Variants in DCHS2 observed in about 807,000 individuals in gnomAD.
The protein encoded by DCHS2 is dachsous cadherin-related 2, also known as protocadherin-23.
A neutral mutation model predicts 182.4 loss-of-function variants in DCHS2; 142 were observed. The ratio of observed to expected loss-of-function variants is 0.78; its 90% confidence interval spans 0.68 to 0.89. The LOEUF is 0.89. DCHS2 is among the 40% of genes least tolerant of loss of function. The pLI is 0.00. For synonymous variants in DCHS2, 1,740 were observed against 1,663.3 expected (o/e 1.05, Z -1.12); for missense variants, 4,319 against 4,198.6 (o/e 1.03, Z -0.79).
At chr4:154,409,804 G>A (rs561488908) in intron 1 of DCHS2, among the ~76,000 whole-genome samples, 1 of 152,016 alleles carries the variant, frequency 6.6e-6, no homozygotes, top group African/African-American at 2.4e-5. Flanking sequence ...AGAAGAAAAG[G>A]TCCCAAAAGC....
chr4:154,460,219 G>A (rs73854783), intron 1 of DCHS2, among the ~76,000 whole-genome samples: 4,530 of 152,238 alleles, frequency 0.03, 155 homozygotes, highest in African/African-American at 0.081. Context: ...AAACACAAAT[G>A]TATACTGCTA....
intron 13 of DCHS2, among the ~76,000 whole-genome samples, chr4:154,287,751 G>A (rs1008190721): frequency 6.6e-6 from 1 of 151,930 alleles, no homozygotes; most frequent in East Asian, 1.9e-4. Context: ...TGACATCCTG[G>A]GATTATAGAT....
intron 3 of DCHS2, among the ~76,000 whole-genome samples, chr4:154,357,726 A>G (rs1057357464): frequency 6.6e-6 from 1 of 152,130 alleles, no homozygotes; most frequent in Admixed American, 6.6e-5. Context: ...CACTGGCCCC[A>G]GATGGTTGCT....
intron 1 of DCHS2, among the ~76,000 whole-genome samples, chr4:154,488,476 A>G (rs970131286): frequency 2.0e-5 from 3 of 152,212 alleles, no homozygotes; most frequent in Admixed American, 6.5e-5. Flanking sequence ...AGGTAGGAAA[A>G]CATGTAAGAA....
At chr4:154,373,861 C>T (rs1273145778) in intron 2 of DCHS2, 21 of 1,408,346 alleles carry the variant, frequency 1.5e-5, no homozygotes, top group Non-Finnish European at 2.1e-5. Flanking sequence ...GCTCTGACAA[C>T]CCATTTCCAG....
rs1191551555 is a variant in DCHS2 at position 154,236,957 on chromosome 4, T to G, written c.7695A>C (p.Gly2565=). ...NLSLSEDALV[G]STLVTFSNID... is the part of the protein sequence containing the mutation. ...TGTTTGAAAATGTAACAAGCGTGCT[T>G]CCAACCAGAGCATCCTCACTTAGGC... The change falls in exon 20 of 20, where the codon GGA becomes GGC. Residue 2565 remains glycine (G), a synonymous_variant. Coordinates refer to ENST00000357232, the MANE Select transcript of DCHS2 (RefSeq NM_001358235.2). The G allele has an allele frequency of 7.4e-6, 12 of 1,614,058 alleles. No homozygotes were observed. Among genetic ancestry groups the G allele is most frequent in the Admixed American group, 3.3e-5 (2 of 60,020 alleles).
chr4:154,417,712 A>G (rs1732933642), intron 1 of DCHS2, among the ~76,000 whole-genome samples: 1 of 152,340 alleles, frequency 6.6e-6, no homozygotes, highest in East Asian at 1.9e-4. Context: ...GGGGGAAAAA[A>G]GTGTCCTGGT....
rs190494282 is a variant in DCHS2 at position 154,365,885 on chromosome 4, T to G, written c.2476+325A>C. Among the ~76,000 whole-genome samples the G allele has an allele frequency of 3.3e-5, 5 of 151,864 alleles. No homozygotes were observed. The East Asian group carries it at 9.7e-4, about 29-fold the overall frequency. On this transcript the variant is annotated intron_variant, in intron 3 of 19. Coordinates refer to ENST00000357232, the MANE Select transcript of DCHS2 (RefSeq NM_001358235.2). ...GGCTAGTCTTGAACTCCTGACCTCTTGATCCACCCACCTCGGCCCCCCAAA... is the reference window on the plus strand; with the variant it reads ...GGCTAGTCTTGAACTCCTGACCTCTGGATCCACCCACCTCGGCCCCCCAAA...
Position 154,332,713 on chromosome 4 carries a change from G to A in DCHS2, c.3495C>T (p.Pro1165=), listed in dbSNP as rs776258034. 5.6e-6 allele frequency: 9 copies of A among 1,614,090 alleles called. No homozygotes were observed. Among genetic ancestry groups the A allele is most frequent in the Non-Finnish European group, 7.6e-6 (9 of 1,180,038 alleles). ...TYNFRVFAWI[P]EDGFLQNVST... Reference sequence around the variant, plus strand: ...TCACATTTTGCAAGAATCCGTCCTCGGGGATCCAAGCAAACACTCTAAAAT... The same window carrying A: ...TCACATTTTGCAAGAATCCGTCCTCAGGGATCCAAGCAAACACTCTAAAAT... Residue 1165 remains proline (P), a synonymous_variant, in exon 5 of 20, where the codon CCC becomes CCT. Coordinates refer to ENST00000357232, the MANE Select transcript of DCHS2 (RefSeq NM_001358235.2).
intron 1 of DCHS2, among the ~76,000 whole-genome samples, chr4:154,402,679 G>A (rs1184728655): frequency 6.6e-6 from 1 of 152,128 alleles, no homozygotes; most frequent in Non-Finnish European, 1.5e-5. Context: ...ATGAGGGTTT[G>A]GACTTGGACT....
intron 1 of DCHS2, among the ~76,000 whole-genome samples, chr4:154,388,717 A>T (rs555980677): frequency 1.3e-5 from 2 of 151,874 alleles, no homozygotes; most frequent in Admixed American, 6.6e-5. Context: ...GATGGTCTCG[A>T]TCTCCTGACC....
intron 1 of DCHS2, among the ~76,000 whole-genome samples, chr4:154,412,912 T>C (rs982837024): frequency 1.3e-5 from 2 of 152,184 alleles, no homozygotes; most frequent in African/African-American, 2.4e-5. Context: ...ACTATGCAAA[T>C]CATGGGCGCT....
chr4:154,353,100 A>G (rs1729695040), intron 3 of DCHS2, among the ~76,000 whole-genome samples: 1 of 152,244 alleles, frequency 6.6e-6, no homozygotes, highest in South Asian at 2.1e-4. Context: ...GATTCACACC[A>G]GTTTTTAGTC....
At chr4:154,297,555 A>G (rs1734981549) in intron 13 of DCHS2, among the ~76,000 whole-genome samples, 2 of 152,234 alleles carry the variant, frequency 1.3e-5, no homozygotes, top group Non-Finnish European at 2.9e-5. Context: ...AAAACACAGT[A>G]AGAATATCAG....
At chr4:154,342,959 A>G (rs1844674) in intron 3 of DCHS2, among the ~76,000 whole-genome samples, 149,306 of 152,332 alleles carry the variant, frequency 0.98, 73,239 homozygotes, top group East Asian at 1. Flanking sequence ...CTTGAAAGTC[A>G]AAATTACTCC....
At position 154,305,100 on chromosome 4, in the gene DCHS2, G is replaced by A. The variant is rs150179829; in HGVS notation, c.5392C>T (p.Arg1798Ter). The A allele has an allele frequency of 2.1e-3, 3,340 of 1,604,082 alleles. 7 individuals are homozygous for A. Among genetic ancestry groups the A allele is most frequent in the Non-Finnish European group, 2.5e-3 (2,990 of 1,177,498 alleles). Reference sequence around the variant, plus strand: ...GCCTACTCAAAGAATCCCTTACCTCGAAGGGTGAAGACTTCTTGAATTTCT... The same window carrying A: ...GCCTACTCAAAGAATCCCTTACCTCAAAGGGTGAAGACTTCTTGAATTTCT... ...DREIQEVFTLRVLVRDGGFPS... is the reference protein window; with the variant it reads ...DREIQEVFTL Residue 1798 changes from arginine to a stop codon, truncating the protein, a stop_gained, in exon 11 of 20, where the codon CGA becomes TGA. Coordinates refer to ENST00000357232, the MANE Select transcript of DCHS2 (RefSeq NM_001358235.2). LOFTEE classifies it high-confidence loss of function.
At position 154,346,613 on chromosome 4, in the gene DCHS2, C is replaced by T. The variant is rs999414271; in HGVS notation, c.2477-11509G>A. On this transcript the variant is annotated intron_variant, in intron 3 of 19. Transcript: ENST00000357232. ...TAAAGAAAGTCACCAGATCAGGTGC[C>T]TATGTAAGTAACTGTTCATGCTTAA... Among the ~76,000 whole-genome samples the T allele has an allele frequency of 3.3e-5, 5 of 150,586 alleles. No individual in the cohort carries two copies. The East Asian group carries it at 9.6e-4, about 29-fold the overall frequency.
intron 1 of DCHS2, among the ~76,000 whole-genome samples, chr4:154,441,024 A>C (rs190277085): frequency 3.3e-5 from 5 of 152,334 alleles, no homozygotes; most frequent in Admixed American, 6.5e-5. Context: ...CTTTGCCAGC[A>C]TTTTAGAAAA....
intron 13 of DCHS2, among the ~76,000 whole-genome samples, chr4:154,281,755 C>T (rs1734159532): frequency 6.6e-6 from 1 of 152,052 alleles, no homozygotes; most frequent in South Asian, 2.1e-4. Flanking sequence ...AAGCTAGAGG[C>T]TTCATACTTA....
Sources: gnomAD v4.1 joint callset for allele counts (sites outside exome capture counted in the v4.1 genomes callset) on GRCh38, gnomAD v4.1.1 for gene constraint, MANE v1.5 for transcripts, NCBI Gene and HGNC (gene_info 2026-07-23, HGNC 2026-07-21) for gene names.